The following MACROD2 variants were observed in gnomAD, a reference collection of about 807,000 sequenced individuals.
The protein encoded by MACROD2 is mono-ADP ribosylhydrolase 2.
MACROD2 carries 36 observed loss-of-function variants against 70.4 expected under a neutral mutation model. That is an observed-to-expected ratio of 0.51 (90% CI 0.39 to 0.68). The LOEUF (loss-of-function observed/expected upper bound fraction) is 0.68. MACROD2 is among the 30% of genes least tolerant of loss of function. The pLI, the probability that MACROD2 is intolerant of heterozygous loss-of-function variation, is 0.00. For missense variants in MACROD2, 496 were observed against 538.4 expected (o/e 0.92, Z 0.78); for synonymous variants, 172 against 178.8 (o/e 0.96, Z 0.30).
At chr20:14,962,288 A>C (rs80063730) in intron 5 of MACROD2, among the ~76,000 whole-genome samples, 2 of 151,850 alleles carry the variant, frequency 1.3e-5, no homozygotes, top group African/African-American at 2.4e-5. Context: ...ATTTCTGTAC[A>C]ATGTCCCTCA....
intron 3 of MACROD2, among the ~76,000 whole-genome samples, chr20:14,451,589 T>C (rs1373928319): frequency 6.6e-6 from 1 of 152,164 alleles, no homozygotes; most frequent in Non-Finnish European, 1.5e-5. Context: ...GGAATGCTTA[T>C]TCGCCTTCTT....
At chr20:15,071,853 G>T (rs1568559206) in intron 5 of MACROD2, among the ~76,000 whole-genome samples, 1 of 152,104 alleles carries the variant, frequency 6.6e-6, no homozygotes, top group African/African-American at 2.4e-5. Flanking sequence ...AAACATGTTT[G>T]TGGTTGGCTG....
At position 14,891,052 on chromosome 20, in the gene MACROD2, C is replaced by A. The variant is rs539698182; in HGVS notation, c.418+206093C>A. Among the ~76,000 whole-genome samples, 721 of 138,706 alleles carry A rather than the reference C, an allele frequency of 5.2e-3. 4 individuals carry two copies. Among genetic ancestry groups the A allele is most frequent in the Non-Finnish European group, 9.2e-3 (597 of 64,946 alleles). 91.0% of individuals were successfully genotyped at this position (138,706 alleles called of 152,430 possible). A position where few individuals can be genotyped will look rare whatever the true frequency, so the allele number is the denominator to read the frequency against. ...CTACCTTCCTTTTCCTCCTTTCCTTCTTCTTCCTCTTCCCCTTCCTTTTCT... is the reference window on the plus strand; with the variant it reads ...CTACCTTCCTTTTCCTCCTTTCCTTATTCTTCCTCTTCCCCTTCCTTTTCT... On this transcript the variant is annotated intron_variant, in intron 5 of 17. Coordinates refer to ENST00000684519, the MANE Select transcript of MACROD2 (RefSeq NM_001351661.2).
chr20:15,837,479 G>A (rs1012104123), intron 8 of MACROD2, among the ~76,000 whole-genome samples: 3 of 152,022 alleles, frequency 2.0e-5, no homozygotes, highest in Admixed American at 1.3e-4. Context: ...ACCCCTCGAG[G>A]GCTCTACTGT....
In MACROD2 at chr20:15,701,869, C is replaced by T. The variant is rs919006700; in HGVS notation, c.646-160876C>T. 3.3e-5 allele frequency among the ~76,000 whole-genome samples: 5 copies of T among 152,142 alleles called. 1 individual carries two copies. Among genetic ancestry groups the T allele is most frequent in the Admixed American group, 2.6e-4 (4 of 15,264 alleles). On this transcript the variant is annotated intron_variant, in intron 8 of 17. Transcript: ENST00000684519. ...TCTATTATTCACATCTTTATATCCACGAGTACTCACTGTTTAGCTCCCACT... is the reference window on the plus strand; with the variant it reads ...TCTATTATTCACATCTTTATATCCATGAGTACTCACTGTTTAGCTCCCACT...
chr20:14,920,853 T>G (rs2074153840), intron 5 of MACROD2, among the ~76,000 whole-genome samples: 2 of 152,204 alleles, frequency 1.3e-5, no homozygotes, highest in African/African-American at 4.8e-5. Flanking sequence ...GTAGAATATT[T>G]AATTGAGGTT....
rs79628462 is a variant in MACROD2 at position 15,688,558 on chromosome 20, T to A, written c.646-174187T>A. Among the ~76,000 whole-genome samples, 878 of 152,322 alleles carry A rather than the reference T, an allele frequency of 5.8e-3. 6 individuals are homozygous for A. Among genetic ancestry groups the A allele is most frequent in the African/African-American group, 0.02 (827 of 41,552 alleles). ...GATTCCCAGGGCTGCTTGATTGGCTTCAATATGTGAAGAATATTGAATGCC... is the reference window on the plus strand; with the variant it reads ...GATTCCCAGGGCTGCTTGATTGGCTACAATATGTGAAGAATATTGAATGCC... On this transcript the variant is annotated intron_variant, in intron 8 of 17. Transcript: ENST00000684519.
intron 13 of MACROD2, among the ~76,000 whole-genome samples, chr20:15,968,757 A>G (rs1178710521): frequency 6.8e-6 from 1 of 147,156 alleles, no homozygotes; most frequent in Admixed American, 6.9e-5. Context: ...AAAAATACAT[A>G]TATTTATATA....
At chr20:15,686,629 T>C (rs1397063809) in intron 8 of MACROD2, among the ~76,000 whole-genome samples, 1 of 152,128 alleles carries the variant, frequency 6.6e-6, no homozygotes, top group East Asian at 1.9e-4. Flanking sequence ...TCCCAGCACT[T>C]TGGGAGGCCA....
At chr20:15,175,397 G>T (rs1163369099) in intron 5 of MACROD2, among the ~76,000 whole-genome samples, 4 of 152,016 alleles carry the variant, frequency 2.6e-5, no homozygotes, top group East Asian at 3.9e-4. Context: ...CCTGCACATT[G>T]TGCACATGCA....
At chr20:14,000,622 G>A (rs1445979168) in intron 1 of MACROD2, among the ~76,000 whole-genome samples, 3 of 152,172 alleles carry the variant, frequency 2.0e-5, no homozygotes. Context: ...GGTATGGTAT[G>A]GGAGACATGA....
At chr20:14,268,050 A>T (rs1568529310) in intron 3 of MACROD2, among the ~76,000 whole-genome samples, 1 of 152,226 alleles carries the variant, frequency 6.6e-6, no homozygotes, top group South Asian at 2.1e-4. Context: ...TATATACAAA[A>T]ATAGAAAGAA....
At chr20:16,006,839 T>G (rs1264119338) in intron 15 of MACROD2, among the ~76,000 whole-genome samples, 1 of 152,198 alleles carries the variant, frequency 6.6e-6, no homozygotes, top group East Asian at 1.9e-4. Flanking sequence ...ACTACCATCT[T>G]TTTCAAATAA....
chr20:14,033,177 A>C (rs756176056), intron 2 of MACROD2, among the ~76,000 whole-genome samples: 4 of 149,498 alleles, frequency 2.7e-5, no homozygotes, highest in Non-Finnish European at 4.4e-5. Context: ...TTTTCCCCCC[A>C]GATATCTATC....
At chr20:14,302,191 G>A (rs2082480619) in intron 3 of MACROD2, among the ~76,000 whole-genome samples, 1 of 152,124 alleles carries the variant, frequency 6.6e-6, no homozygotes, top group Non-Finnish European at 1.5e-5. Flanking sequence ...TGGAGTCTCT[G>A]GAGAAAAATC....
intron 4 of MACROD2, chr20:14,566,582 T>G (rs953964732): frequency 6.6e-6 from 1 of 151,940 alleles, no homozygotes; most frequent in Non-Finnish European, 1.5e-5. Context: ...CAGATTCCCC[T>G]TTAGGACTGA....
chr20:15,515,944 A>T (rs6105422), intron 8 of MACROD2, among the ~76,000 whole-genome samples: 15,648 of 152,214 alleles, frequency 0.1, 821 homozygotes, highest in East Asian at 0.16. Context: ...GCTTATCCTC[A>T]GGACAAATTG....
At chr20:14,407,082 C>T (rs574774676) in intron 3 of MACROD2, among the ~76,000 whole-genome samples, 1 of 149,808 alleles carries the variant, frequency 6.7e-6, no homozygotes, top group South Asian at 2.1e-4. Context: ...TTAAACAATC[C>T]TTTTATTCAG....
intron 3 of MACROD2, among the ~76,000 whole-genome samples, chr20:14,212,657 C>T (rs1051323734): frequency 2.6e-5 from 4 of 151,868 alleles, no homozygotes; most frequent in African/African-American, 4.8e-5. Flanking sequence ...ACATTGATAC[C>T]GTTCTTGAGT....
Sources: allele counts gnomAD v4.1 joint callset (sites outside exome capture counted in the v4.1 genomes callset), GRCh38; gene constraint gnomAD v4.1.1; transcripts MANE v1.5; gene names NCBI Gene and HGNC (gene_info 2026-07-23, HGNC 2026-07-21).